PAX2: variants seen among roughly 807,000 people sequenced by gnomAD.
PAX2 encodes paired box protein Pax-2.
PAX2 carries 9 observed loss-of-function variants against 41.7 expected under a neutral mutation model. That is an observed-to-expected ratio of 0.22 (90% CI 0.13 to 0.38). PAX2 has a LOEUF of 0.38. Among genes scored for constraint, PAX2 ranks in the 10% least tolerant of loss-of-function variants. PAX2 has a pLI of 1.00. For missense variants in PAX2, 418 were observed against 531.6 expected, an observed-to-expected ratio of 0.79 and a Z score of 2.10; for synonymous variants, 221 against 212.7, an observed-to-expected ratio of 1.04 and a Z score of -0.34.
intron 5 of PAX2, among the ~76,000 whole-genome samples, chr10:100,795,525 G>C (rs1397862533): frequency 6.6e-6 from 1 of 152,234 alleles, no homozygotes; most frequent in East Asian, 1.9e-4. Context: ...ACTTATTTTT[G>C]TGAGTGCGTG....
At chr10:100,766,057 G>C (rs1846017825) in intron 3 of PAX2, among the ~76,000 whole-genome samples, 1 of 152,204 alleles carries the variant, frequency 6.6e-6, no homozygotes, top group South Asian at 2.1e-4. Flanking sequence ...GATTGTTATA[G>C]ATGAGGTAGC....
chr10:100,788,338 C>G (rs1056221910), intron 5 of PAX2, among the ~76,000 whole-genome samples: 2 of 152,190 alleles, frequency 1.3e-5, no homozygotes, highest in African/African-American at 4.8e-5. Flanking sequence ...CCAGGCGTGC[C>G]CTGGTCACCA....
At chr10:100,806,698 C>A in intron 6 of PAX2, 93 bp downstream of exon 6, 1 of 1,055,216 alleles carries the variant, frequency 9.5e-7, no homozygotes, top group Non-Finnish European at 1.5e-6. Flanking sequence ...CATGCATAGC[C>A]AGCATTGTAT....
chr10:100,737,751 C>A (rs1002793163), intron 1 of PAX2, among the ~76,000 whole-genome samples: 1 of 152,250 alleles, frequency 6.6e-6, no homozygotes, highest in Admixed American at 6.5e-5. Flanking sequence ...GCCCTGCCCC[C>A]CTAGACGGCC....
In PAX2 at chr10:100,750,621, G is replaced by T; in HGVS notation, c.213-73G>T. On this transcript the variant is annotated intron_variant, in intron 2 of 9. Transcript: ENST00000355243. This position sits in a 1 kb window ranked among gnomAD's most constrained non-coding sequence, Gnocchi z 4.1. The stretch of plus-strand genomic sequence containing the variant: ...GGCCGGGCAGGAGAGTGGCTCAGCA[G>T]CTCTGGAACCTGCAGCCCCCCTGCC... 1.5e-6 allele frequency: 2 copies of T among 1,342,318 alleles called. No homozygotes were observed. The highest frequency in any genetic ancestry group is 2.1e-6 in the Non-Finnish European group (2 of 944,874). 83.2% of individuals were successfully genotyped at this position (1,342,318 alleles called of 1,614,324 possible).
At chr10:100,797,330 T>C (rs1847374613) in intron 5 of PAX2, among the ~76,000 whole-genome samples, 1 of 152,234 alleles carries the variant, frequency 6.6e-6, no homozygotes, top group African/African-American at 2.4e-5. Flanking sequence ...ATCCCTCAGT[T>C]TCCCCAGGTT....
At chr10:100,751,640 G>T (rs1845447492) in intron 3 of PAX2, among the ~76,000 whole-genome samples, 1 of 152,198 alleles carries the variant, frequency 6.6e-6, no homozygotes, top group African/African-American at 2.4e-5. Context: ...TGACGTGTAG[G>T]ATATTTAGGT....
chr10:100,825,918 G>A (rs1329376251), intron 8 of PAX2, among the ~76,000 whole-genome samples: 1 of 151,938 alleles, frequency 6.6e-6, no homozygotes, highest in South Asian at 2.1e-4. Flanking sequence ...GAGCAGGTGG[G>A]GGCTGGAGGA....
At chr10:100,825,857 T>C (rs887472288) in intron 8 of PAX2, among the ~76,000 whole-genome samples, 1 of 145,146 alleles carries the variant, frequency 6.9e-6, no homozygotes, top group Non-Finnish European at 1.6e-5. Context: ...GGAAGGAAAG[T>C]AGAAGCCTTG....
chr10:100,793,766 G>T (rs1589863713), intron 5 of PAX2, among the ~76,000 whole-genome samples: 2 of 152,176 alleles, frequency 1.3e-5, no homozygotes, highest in East Asian at 3.9e-4. Flanking sequence ...GTAGGATACT[G>T]AGGAAACTGA....
chr10:100,756,767 C>T (rs1179557519), intron 3 of PAX2, among the ~76,000 whole-genome samples: 1 of 152,214 alleles, frequency 6.6e-6, no homozygotes, highest in Non-Finnish European at 1.5e-5. Context: ...CCTGCCAGTT[C>T]TCTGCATCCC....
chr10:100,807,761 C>T (rs1295221186), intron 6 of PAX2, among the ~76,000 whole-genome samples: 3 of 152,248 alleles, frequency 2.0e-5, no homozygotes, highest in Non-Finnish European at 4.4e-5. Flanking sequence ...AGTCACAGCA[C>T]AAGACAGCAT....
chr10:100,775,369 A>G (rs1846351734), intron 3 of PAX2, among the ~76,000 whole-genome samples: 2 of 152,192 alleles, frequency 1.3e-5, no homozygotes, highest in African/African-American at 4.8e-5. Flanking sequence ...CAGGAGGACA[A>G]TGGATGACCA....
intron 1 of PAX2, among the ~76,000 whole-genome samples, chr10:100,737,613 T>C (rs973854373): frequency 6.6e-6 from 1 of 152,198 alleles, no homozygotes; most frequent in East Asian, 1.9e-4. Flanking sequence ...TCGAGGCGGC[T>C]CCGCAGAGCA....
intron 3 of PAX2, among the ~76,000 whole-genome samples, chr10:100,753,704 TCTTCTC>T (rs1459432651): frequency 1.3e-5 from 2 of 152,232 alleles, no homozygotes; most frequent in African/African-American, 4.8e-5. Context: ...TGGTTTTTCA[TCTTCTC>T]CTTCCCAAAA....
intron 5 of PAX2, among the ~76,000 whole-genome samples, chr10:100,793,649 G>A (rs761650928): frequency 2.6e-5 from 4 of 152,150 alleles, no homozygotes; most frequent in Non-Finnish European, 4.4e-5. Context: ...CTTCTCTACC[G>A]GTTGGTTAGG....
At chr10:100,806,373 G>T in intron 5 of PAX2, 57 bp from the exon 6 acceptor site, 1 of 1,581,586 alleles carries the variant, frequency 6.3e-7, no homozygotes, top group East Asian at 2.2e-5. Context: ...GCCCTGCACT[G>T]TTCCTGTGCC....
rs1846530077 is a variant in PAX2, at chr10:100,779,550, G to C, written c.463G>C (p.Gly155Arg). 2 of 1,595,998 alleles carry C rather than the reference G, an allele frequency of 1.3e-6. No individual in the cohort carries two copies. Among genetic ancestry groups the C allele is most frequent in the African/African-American group, 2.7e-5 (2 of 74,900 alleles). Residue 155 changes from glycine to arginine, a missense_variant, in exon 4 of 10, where the codon GGG becomes CGG. Gly to Arg is a moderately radical substitution (Grantham distance 125, BLOSUM62 -2). Around this residue, in one of 2 missense-constraint regions of PAX2, gnomAD observed 310 missense variants for 325.2 expected, o/e 0.95. Transcript: ENST00000355243. Reference protein sequence around the residue: ...QPFHPTPDGAGTGVTAPGHTI... With the variant: ...QPFHPTPDGARTGVTAPGHTI... The stretch of plus-strand genomic sequence containing the variant: ...TTTCCACCCAACGCCGGATGGGGCT[G>C]GGACAGGAGTGACCGCCCCTGGCCA...
chr10:100,735,635 ACGCGTTGTCGGGCCG>A (rs1469589293), exon 1 of PAX2: 11 of 1,046,728 alleles, frequency 1.1e-5, no homozygotes, highest in African/African-American at 1.7e-5. Flanking sequence ...CGAAGGCGAG[ACGCGTTGTCGGGCCG>A]CGGAGGAGCG....
Sources: allele counts gnomAD v4.1 joint callset (sites outside exome capture counted in the v4.1 genomes callset), GRCh38; gene constraint gnomAD v4.1.1; regional missense constraint gnomAD v4.1.1; non-coding constraint Gnocchi (gnomAD v3.1); transcripts MANE v1.5; gene names NCBI Gene and HGNC (gene_info 2026-07-23, HGNC 2026-07-21).